The following LPP variants were observed in gnomAD, a reference collection of about 807,000 sequenced individuals.
The protein encoded by LPP is LIM domain containing preferred translocation partner in lipoma, also known as lipoma-preferred partner.
In LPP, 38 loss-of-function variants were observed where a neutral mutation model predicts 60.4. That is an observed-to-expected ratio of 0.63 (90% CI 0.49 to 0.83). LPP has a LOEUF of 0.83. LPP is among the 40% of genes least tolerant of loss of function. The pLI is 0.00. For synonymous variants in LPP, 328 were observed against 290.8 expected (o/e 1.13, Z -1.30); for missense variants, 902 against 783.6 (o/e 1.15, Z -1.80).
intron 1 of LPP, among the ~76,000 whole-genome samples, chr3:188,211,867 GC>G (rs1734793699): frequency 6.7e-6 from 1 of 148,798 alleles, no homozygotes. Flanking sequence ...CACTCTTATT[GC>G]CCAGGCTGAC....
In LPP at chr3:188,757,909, T is replaced by TTTTTTC. The variant is rs1372528441; in HGVS notation, c.1241-2204_1241-2203insTTTTTC. Reference sequence around the variant, plus strand: ...TTTTGGTTTTTTTTTTTTTTTTTTTTCAGAATAATTTCAAAAATAGTGCCA... The same window carrying TTTTTTC: ...TTTTGGTTTTTTTTTTTTTTTTTTTTTTTTTCCAGAATAATTTCAAAAATAGTGCCA... On this transcript the variant is annotated intron_variant, in intron 8 of 11. Coordinates refer to ENST00000617246, the MANE Select transcript of LPP (RefSeq NM_001375462.1). 2.4e-3 allele frequency among the ~76,000 whole-genome samples: 356 copies of TTTTTTC among 147,778 alleles called. 3 individuals carry two copies. Among genetic ancestry groups the TTTTTTC allele is most frequent in the African/African-American group, 8.6e-3 (341 of 39,634 alleles).
rs886319534 is a variant in LPP, at chr3:188,518,652, A to G, written c.307-6013A>G. On this transcript the variant is annotated intron_variant, in intron 5 of 11. Transcript: ENST00000617246. ...CAAATTCCGGCTTTTTGAACTCACA[A>G]TCTATAATGTGTCAGTATGGTTGTC... Among the ~76,000 whole-genome samples the G allele has an allele frequency of 4.6e-5, 7 of 152,292 alleles. No individual in the cohort carries two copies. In the East Asian group the frequency reaches 5.8e-4, roughly 13 times the overall value.
In LPP at chr3:188,566,015, G is replaced by A. The variant is rs116762830; in HGVS notation, c.429+41228G>A. ...TGGAATAGCTTTTAGTTTAACCTGC[G>A]TGTGAGAAAAGAAGGTTTCATCGTG... On this transcript the variant is annotated intron_variant, in intron 6 of 11. Transcript: ENST00000617246. Among the ~76,000 whole-genome samples, 830 of 152,060 alleles carry A rather than the reference G, an allele frequency of 5.5e-3. 6 individuals carry two copies. Among genetic ancestry groups the A allele is most frequent in the African/African-American group, 0.019 (781 of 41,508 alleles).
chr3:188,555,724 G>T (rs1829311327), intron 6 of LPP, among the ~76,000 whole-genome samples: 1 of 152,062 alleles, frequency 6.6e-6, no homozygotes, highest in Non-Finnish European at 1.5e-5. Context: ...AGGATGATCA[G>T]CCATTTGGCT....
chr3:188,527,844 G>A (rs1821081040), intron 6 of LPP, among the ~76,000 whole-genome samples: 1 of 151,718 alleles, frequency 6.6e-6, no homozygotes, highest in Non-Finnish European at 1.5e-5. Flanking sequence ...CGCCTCCTGG[G>A]TTCAAGCCAT....
Position 188,217,297 on chromosome 3 carries a change from G to T in LPP, c.-189-8108G>T, listed in dbSNP as rs916571104. Among the ~76,000 whole-genome samples, 1 of 152,208 alleles carries T rather than the reference G, an allele frequency of 6.6e-6. No individual in the cohort carries two copies. The highest frequency in any genetic ancestry group is 1.5e-5 in the Non-Finnish European group (1 of 68,046). ...GACGGTCAATGCAAAGGTCAAGGCT[G>T]TGAAGTGGGAAGGAGTTTGTGTTTG... On this transcript the variant is annotated intron_variant, in intron 1 of 11. Transcript: ENST00000617246. The surrounding 1 kb of genome is among the most constrained non-coding windows in gnomAD (Gnocchi z 4.0).
chr3:188,699,088 G>C (rs7631995), intron 7 of LPP, among the ~76,000 whole-genome samples: 2 of 152,036 alleles, frequency 1.3e-5, no homozygotes, highest in African/African-American at 2.4e-5. Flanking sequence ...ATGTTACAAA[G>C]CTTCTTCATA....
chr3:188,794,275 A>G (rs1170130611), intron 9 of LPP, among the ~76,000 whole-genome samples: 1 of 152,266 alleles, frequency 6.6e-6, no homozygotes, highest in African/African-American at 2.4e-5. Flanking sequence ...TGAGGCCCAG[A>G]CATGGGCAGT....
chr3:188,457,943 A>G (rs1798135746), intron 4 of LPP, among the ~76,000 whole-genome samples: 1 of 152,122 alleles, frequency 6.6e-6, no homozygotes, highest in Non-Finnish European at 1.5e-5. Context: ...GATTGATGCT[A>G]TACAAATAGT....
chr3:188,667,344 G>T (rs924463025), intron 7 of LPP, among the ~76,000 whole-genome samples: 1 of 151,944 alleles, frequency 6.6e-6, no homozygotes, highest in Non-Finnish European at 1.5e-5. Flanking sequence ...CGGGCGTGGT[G>T]GTGGGCGCCT....
intron 4 of LPP, among the ~76,000 whole-genome samples, chr3:188,462,835 G>T (rs1016604753): frequency 6.6e-6 from 1 of 151,724 alleles, no homozygotes; most frequent in South Asian, 2.1e-4. Context: ...AGCCGAGCAC[G>T]GTGGGTCACA....
intron 4 of LPP, among the ~76,000 whole-genome samples, chr3:188,422,914 TG>T (rs1329891822): frequency 9.3e-3 from 60 of 6,486 alleles, no homozygotes; most frequent in African/African-American, 0.037. Context: ...GTGTCTTCTT[TG>T]TGTGTGTGTG....
At chr3:188,612,597 A>G (rs1843957267) in intron 7 of LPP, among the ~76,000 whole-genome samples, 1 of 152,220 alleles carries the variant, frequency 6.6e-6, no homozygotes, top group Non-Finnish European at 1.5e-5. Context: ...AAAGGCTTGG[A>G]AATTTCCAAA....
intron 9 of LPP, among the ~76,000 whole-genome samples, chr3:188,835,663 G>C (rs536753427): frequency 1.4e-4 from 21 of 152,230 alleles, no homozygotes; most frequent in Non-Finnish European, 2.1e-4. Flanking sequence ...GAGATATAGG[G>C]CAAGACTCAT....
In LPP at chr3:188,304,895, C is replaced by T. The variant is rs115686066; in HGVS notation, c.-66-36768C>T. Among the ~76,000 whole-genome samples, 452 of 152,118 alleles carry T rather than the reference C, an allele frequency of 3.0e-3. 1 individual carries two copies. The highest frequency in any genetic ancestry group is 0.01 in the African/African-American group (426 of 41,516). ...TCTTCTGATAGTTAAATGTCAGTTG[C>T]TTCAAAAAAGAAATGTCATTAAATT... On this transcript the variant is annotated intron_variant, in intron 2 of 11. Transcript: ENST00000617246.
In LPP at chr3:188,249,415, C is replaced by T. The variant is rs545479785; in HGVS notation, c.-67+23888C>T. 7.4e-5 allele frequency among the ~76,000 whole-genome samples: 11 copies of T among 147,876 alleles called. 1 individual carries two copies. Among genetic ancestry groups the T allele is most frequent in the African/African-American group, 2.5e-4 (10 of 39,902 alleles). On this transcript the variant is annotated intron_variant, in intron 2 of 11. Transcript: ENST00000617246. ...CGTGAGCTGAGATTGTGCCACTGGG[C>T]GACAGAGCAAGAGTGTCTCGAAGGA...
At chr3:188,190,854 A>G (rs557856540) in intron 1 of LPP, among the ~76,000 whole-genome samples, 9 of 152,338 alleles carry the variant, frequency 5.9e-5, no homozygotes, top group African/African-American at 1.4e-4. Context: ...TGTTAAAATG[A>G]AGGAAAATAA....
chr3:188,323,280 T>C (rs991666778), intron 2 of LPP, among the ~76,000 whole-genome samples: 1 of 152,192 alleles, frequency 6.6e-6, no homozygotes, highest in Non-Finnish European at 1.5e-5. Context: ...GTGAATCACC[T>C]TGGGAAAGCA....
chr3:188,654,218 G>T (rs1852669142), intron 7 of LPP, among the ~76,000 whole-genome samples: 1 of 152,184 alleles, frequency 6.6e-6, no homozygotes, highest in African/African-American at 2.4e-5. Flanking sequence ...TAAGTGCCAT[G>T]AAGAGAAACG....
Sources: gnomAD v4.1 joint callset for allele counts (sites outside exome capture counted in the v4.1 genomes callset) on GRCh38, gnomAD v4.1.1 for gene constraint, Gnocchi (gnomAD v3.1) non-coding constraint, MANE v1.5 for transcripts, NCBI Gene and HGNC (gene_info 2026-07-23, HGNC 2026-07-21) for gene names.